Variants in SESTD1 observed in about 807,000 individuals in gnomAD.
SESTD1 encodes SEC14 and spectrin domain containing 1.
A neutral mutation model predicts 101.7 loss-of-function variants in SESTD1; 43 were observed. The ratio of observed to expected loss-of-function variants is 0.42; its 90% CI spans 0.33 to 0.55. The LOEUF (loss-of-function observed/expected upper bound fraction) is 0.55, where lower values mean the gene tolerates loss of function less well. Among genes scored for constraint, SESTD1 ranks in the 20% least tolerant of loss-of-function variants. The probability of loss-of-function intolerance (pLI) is 0.07; values close to 1 mark genes in which losing one functional copy is unlikely to be tolerated. For missense variants in SESTD1, 647 were observed against 815.1 expected, an observed-to-expected ratio of 0.79 and a Z score of 2.51; for synonymous variants, 283 against 286.8, an observed-to-expected ratio of 0.99 and a Z score of 0.13.
rs2044661637 is a variant in SESTD1, at chr2:179,117,596, T to A, written c.1460A>T (p.Asp487Val). The A allele has an allele frequency of 1.3e-6, 2 of 1,576,124 alleles. No individual in the cohort carries two copies. Among genetic ancestry groups the A allele is most frequent in the African/African-American group, 2.8e-5 (2 of 72,534 alleles). ...LRKQRCEDMV[D>V]VRRLKMLQMV... The stretch of plus-strand genomic sequence containing the variant: ...CTGAAGCATCTTTAACCTTCGCACA[T>A]CTACCATGTCTTCACATCTAATGAA... The change falls in exon 14 of 18, where the codon GAT (aspartate) becomes GTT (valine). Residue 487 changes from aspartate to valine, a missense_variant. Asp to Val is a radical substitution (Grantham distance 152). Transcript: ENST00000428443.
At chr2:179,146,335 T>G in intron 8 of SESTD1, 67 bp downstream of exon 8, 1 of 1,394,102 alleles carries the variant, frequency 7.2e-7, no homozygotes, top group South Asian at 1.2e-5. Context: ...AATTCATGTT[T>G]ATTTAATGAA....
At chr2:179,142,698 C>T (rs768158748) in intron 9 of SESTD1, among the ~76,000 whole-genome samples, 3 of 152,218 alleles carry the variant, frequency 2.0e-5, no homozygotes, top group Non-Finnish European at 2.9e-5. Context: ...AAATCAGATA[C>T]ATTCTGGGAG....
At chr2:179,251,795 C>A (rs1437237459) in intron 1 of SESTD1, among the ~76,000 whole-genome samples, 1 of 152,088 alleles carries the variant, frequency 6.6e-6, no homozygotes, top group Admixed American at 6.6e-5. Flanking sequence ...GAAGACACAG[C>A]AAGAAGATGG....
At chr2:179,152,929 T>A (rs757521097) in intron 5 of SESTD1, among the ~76,000 whole-genome samples, 9 of 151,932 alleles carry the variant, frequency 5.9e-5, no homozygotes, top group African/African-American at 1.7e-4. Flanking sequence ...CAGAAGTAAA[T>A]ATAAATTAAG....
chr2:179,158,339 C>A (rs1204984740), intron 5 of SESTD1, among the ~76,000 whole-genome samples: 1 of 152,128 alleles, frequency 6.6e-6, no homozygotes, highest in East Asian at 1.9e-4. Flanking sequence ...ACTTTTCTAT[C>A]CACACTGGTT....
intron 1 of SESTD1, among the ~76,000 whole-genome samples, chr2:179,229,774 T>C (rs866528625): frequency 3.1e-4 from 36 of 115,036 alleles, no homozygotes; most frequent in Middle Eastern, 4.5e-3. Flanking sequence ...TATATATATA[T>C]ACTCAAATAC....
chr2:179,114,405 A>AT (rs1268254349), intron 16 of SESTD1, among the ~76,000 whole-genome samples: 12 of 152,232 alleles, frequency 7.9e-5, no homozygotes, highest in Non-Finnish European at 1.3e-4. Context: ...TCAAAACAAA[A>AT]TTAACTACAT....
intron 4 of SESTD1, among the ~76,000 whole-genome samples, chr2:179,172,880 AGTTC>A (rs2105475309): frequency 1.3e-5 from 2 of 152,340 alleles, no homozygotes; most frequent in Non-Finnish European, 2.9e-5. Flanking sequence ...AAATCCAACA[AGTTC>A]TACCGCCTGC....
chr2:179,139,099 A>G (rs2045221135), intron 9 of SESTD1, among the ~76,000 whole-genome samples: 1 of 152,084 alleles, frequency 6.6e-6, no homozygotes, highest in South Asian at 2.1e-4. Flanking sequence ...TTCCCATTGT[A>G]ATGTTCTATT....
chr2:179,218,309 T>A (rs2046754897), intron 1 of SESTD1, among the ~76,000 whole-genome samples: 1 of 151,794 alleles, frequency 6.6e-6, no homozygotes, highest in South Asian at 2.1e-4. Context: ...AAAAAAAAAC[T>A]TGTCTTGTAA....
At chr2:179,259,701 G>T (rs991507198) in intron 1 of SESTD1, among the ~76,000 whole-genome samples, 15 of 151,894 alleles carry the variant, frequency 9.9e-5, no homozygotes, top group African/African-American at 3.6e-4. Flanking sequence ...AACATCTCAG[G>T]TTTGTCACTG....
In SESTD1 at chr2:179,204,246, C is replaced by T. The variant is rs112075658; in HGVS notation, c.-25-12380G>A. Among the ~76,000 whole-genome samples the T allele has an allele frequency of 2.3e-3, 314 of 134,936 alleles. 68 individuals are homozygous for T. The highest frequency in any genetic ancestry group is 8.7e-3 in the African/African-American group (296 of 34,090). 88.5% of individuals were successfully genotyped at this position (134,936 alleles called of 152,430 possible). A position where few individuals can be genotyped will look rare whatever the true frequency, so the allele number is the denominator to read the frequency against. Reference sequence around the variant, plus strand: ...GAGACCACAATCATGCCCTACTCCACGTCTTGAGCTGTGTATTCATCTTCT... The same window carrying T: ...GAGACCACAATCATGCCCTACTCCATGTCTTGAGCTGTGTATTCATCTTCT... On this transcript the variant is annotated intron_variant, in intron 1 of 17. Coordinates refer to ENST00000428443, the MANE Select transcript of SESTD1 (RefSeq NM_178123.5).
At chr2:179,232,298 T>C (rs1308541581) in intron 1 of SESTD1, among the ~76,000 whole-genome samples, 6 of 152,020 alleles carry the variant, frequency 3.9e-5, no homozygotes, top group African/African-American at 1.2e-4. Flanking sequence ...GGAAAATCTG[T>C]AGCTTTGAAC....
Position 179,210,873 on chromosome 2 carries a change from C to T in SESTD1, c.-25-19007G>A, listed in dbSNP as rs149157948. ...AGAAAGAAATAAACGGCATCTAAATCGGTAAAGAAGACAAACTGTCACTGT... is the reference window on the plus strand; with the variant it reads ...AGAAAGAAATAAACGGCATCTAAATTGGTAAAGAAGACAAACTGTCACTGT... On this transcript the variant is annotated intron_variant, in intron 1 of 17. Transcript: ENST00000428443. Among the ~76,000 whole-genome samples, 48 of 133,954 alleles carry T rather than the reference C, an allele frequency of 3.6e-4. 9 individuals carry two copies. The highest frequency in any genetic ancestry group is 1.1e-3 in the African/African-American group (38 of 33,824). 87.9% of individuals were successfully genotyped at this position (133,954 alleles called of 152,430 possible).
At position 179,201,701 on chromosome 2, in the gene SESTD1, C is replaced by G. The variant is rs1426104622; in HGVS notation, c.-25-9835G>C. On this transcript the variant is annotated intron_variant, in intron 1 of 17. Coordinates refer to ENST00000428443, the MANE Select transcript of SESTD1 (RefSeq NM_178123.5). The stretch of plus-strand genomic sequence containing the variant: ...AAAAACCAAACACCGCATATTCTCA[C>G]TCATAGGTGGGAACTGAACAATGAG... Among the ~76,000 whole-genome samples the G allele has an allele frequency of 2.4e-5, 3 of 122,904 alleles. 1 individual carries two copies. The highest frequency in any genetic ancestry group is 5.0e-5 in the Non-Finnish European group (3 of 59,542). The allele number at this position is 122,904 out of a possible 152,430, so 80.6% of individuals were successfully genotyped here.
intron 1 of SESTD1, among the ~76,000 whole-genome samples, chr2:179,196,686 C>G (rs553238137): frequency 1.3e-5 from 2 of 152,258 alleles, no homozygotes; most frequent in Admixed American, 1.3e-4. Flanking sequence ...AGGCACCCCC[C>G]AGAAGGGGCA....
In SESTD1 at chr2:179,202,647, C is replaced by T. The variant is rs899207080; in HGVS notation, c.-25-10781G>A. Reference sequence around the variant, plus strand: ...CCAATAAGGAAAAACAGTCACAAAGCAAGAGGTTTGTCTCCCTTTTTGGCC... The same window carrying T: ...CCAATAAGGAAAAACAGTCACAAAGTAAGAGGTTTGTCTCCCTTTTTGGCC... On this transcript the variant is annotated intron_variant, in intron 1 of 17. Transcript: ENST00000428443. Among the ~76,000 whole-genome samples the T allele has an allele frequency of 5.9e-5, 8 of 135,062 alleles. 1 individual carries two copies. The highest frequency in any genetic ancestry group is 2.0e-4 in the African/African-American group (7 of 34,228). The allele number at this position is 135,062 out of a possible 152,430, so 88.6% of individuals were successfully genotyped here. A position where few individuals can be genotyped will look rare whatever the true frequency, so the allele number is the denominator to read the frequency against.
At chr2:179,164,539 A>C (rs1401067782) in intron 5 of SESTD1, among the ~76,000 whole-genome samples, 1 of 152,198 alleles carries the variant, frequency 6.6e-6, no homozygotes, top group Non-Finnish European at 1.5e-5. Context: ...TATCATAGTC[A>C]CCAGGTACAA....
rs1480225089 is a variant in SESTD1 at position 179,204,998 on chromosome 2, C to T, written c.-25-13132G>A. ...TGGTATATGAGCAGAGACAAATTCT[C>T]AGCTGCCTTTAATTCCTTCCTATTT... On this transcript the variant is annotated intron_variant, in intron 1 of 17. Transcript: ENST00000428443. Among the ~76,000 whole-genome samples, 3 of 134,618 alleles carry T rather than the reference C, an allele frequency of 2.2e-5. 1 individual carries two copies. Among genetic ancestry groups the T allele is most frequent in the Non-Finnish European group, 4.8e-5 (3 of 62,756 alleles). The allele number at this position is 134,618 out of a possible 152,430, so 88.3% of individuals were successfully genotyped here.
Sources: gnomAD v4.1 joint callset for allele counts (sites outside exome capture counted in the v4.1 genomes callset) on GRCh38, gnomAD v4.1.1 for gene constraint, MANE v1.5 for transcripts, NCBI Gene and HGNC (gene_info 2026-07-23, HGNC 2026-07-21) for gene names.